The following F12 variants were observed in gnomAD, a reference collection of about 807,000 sequenced individuals.
The protein encoded by F12 is coagulation factor XII.
In F12, 70 loss-of-function variants were observed where a neutral mutation model predicts 74.8. The ratio of observed to expected loss-of-function variants is 0.94; its 90% confidence interval spans 0.77 to 1.14. F12 has a LOEUF of 1.14. Among genes scored for constraint, F12 ranks in the 50% most tolerant of loss-of-function variants. The probability of loss-of-function intolerance (pLI) is 0.00; values close to 1 mark genes in which losing one functional copy is unlikely to be tolerated. For synonymous variants in F12, 373 were observed against 356.4 expected (o/e 1.05, Z -0.52); for missense variants, 811 against 835.7 (o/e 0.97, Z 0.36).
At chr5:177,409,143 C>A in intron 1 of F12, 40 bp from the exon 2 acceptor site, 1 of 1,534,326 alleles carries the variant, frequency 6.5e-7, no homozygotes, top group South Asian at 1.2e-5. Flanking sequence ...GACTATAAGT[C>A]ATAGCCTGCC....
At chr5:177,405,610 G>C in intron 4 of F12, 125 bp downstream of exon 4, 3 of 1,223,568 alleles carry the variant, frequency 2.5e-6, no homozygotes, top group Non-Finnish European at 2.4e-6. Flanking sequence ...GACTTCCAAA[G>C]GGTATTGTGG....
At position 177,404,854 on chromosome 5, in the gene F12, A is replaced by G; in HGVS notation, c.590T>C (p.Leu197Pro). The change falls in exon 7 of 14, where the codon CTG becomes CCG. Residue 197 changes from leucine to proline, a missense_variant. Coordinates refer to ENST00000253496, the MANE Select transcript of F12 (RefSeq NM_000505.4). Reference sequence around the variant, plus strand: ...GGTGTAGCCCACCGGGCAGTGGCACAGGCGGTGGCCCTCCACCTCTAGGCA... The same window carrying G: ...GGTGTAGCCCACCGGGCAGTGGCACGGGCGGTGGCCCTCCACCTCTAGGCA... ...GRCLEVEGHR[L>P]CHCPVGYTGA... 6.2e-7 allele frequency: 1 copy of G among 1,610,054 alleles called. No individual in the cohort carries two copies.
chr5:177,403,960 C>A lies in F12; in HGVS notation c.1149G>T (p.Ala383=). The stretch of plus-strand genomic sequence containing the variant: ...AGTACAGCGCGGCGATGTAGGGGTG[C>A]GCCCCGCGTAGCGCCACCAGCCCGC... ...VVGGLVALRG[A]HPYIAALYWG... The change falls in exon 10 of 14, where the codon GCG becomes GCT. Residue 383 remains alanine (A), a synonymous_variant. Transcript: ENST00000253496. 6.2e-7 allele frequency: 1 copy of A among 1,601,656 alleles called. No homozygotes were observed.
intron 13 of F12, 40 bp from the exon 14 acceptor site, chr5:177,402,499 AT>A: frequency 4.4e-6 from 7 of 1,599,984 alleles, no homozygotes; most frequent in Non-Finnish European, 6.0e-6. Context: ...TGGACCTGAG[AT>A]TTGTGCCTGA....
Position 177,404,201 on chromosome 5 carries a change from G to C in F12, c.1013C>G (p.Pro338Arg). ...TTRTPPQSQT[P>R]GALPAKREQP... ...TCCCCCCCCCACTTCCTAACCTCCC[G>C]GGGTCTGGGACTGAGGCGGGGTCCG... The change falls in exon 9 of 14, where the codon CCG becomes CGG. Residue 338 changes from proline to arginine, a missense_variant. Physicochemically the swap from Pro to Arg is moderately radical, Grantham distance 103. Coordinates refer to ENST00000253496, the MANE Select transcript of F12 (RefSeq NM_000505.4). The C allele has an allele frequency of 1.2e-6, 2 of 1,603,490 alleles. No homozygotes were observed. Among genetic ancestry groups the C allele is most frequent in the Non-Finnish European group, 1.7e-6 (2 of 1,174,840 alleles).
intron 2 of F12, among the ~76,000 whole-genome samples, chr5:177,407,784 C>CA (rs112040010): frequency 0.37 from 50,409 of 137,680 alleles, 10,469 homozygotes; most frequent in Non-Finnish European, 0.49. Flanking sequence ...GACTCCATCT[C>CA]AAAAAAAAAA....
At chr5:177,408,913 G>T in intron 2 of F12, 133 bp downstream of exon 2, 1 of 866,408 alleles carries the variant, frequency 1.2e-6, no homozygotes, top group Non-Finnish European at 1.9e-6. Context: ...CACAGCTCAC[G>T]ATCACTCTAG....
intron 2 of F12, among the ~76,000 whole-genome samples, chr5:177,407,154 T>A (rs1763313144): frequency 6.6e-6 from 1 of 152,226 alleles, no homozygotes; most frequent in African/African-American, 2.4e-5. Context: ...AAAATGTCTT[T>A]AAACAGAATC....
In F12 at chr5:177,403,547, T is replaced by C. The variant is rs779520465; in HGVS notation, c.1321A>G (p.Thr441Ala). The change falls in exon 11 of 14, where the codon ACG becomes GCG. Residue 441 changes from threonine (T) to alanine (A), a missense_variant. Coordinates refer to ENST00000253496, the MANE Select transcript of F12 (RefSeq NM_000505.4). ...AAGCGGTAGGAGCGCACGGCCAACG[T>C]CTGGCACGGCTCACAGCTGTGGTTA... ...RRNHSCEPCQ[T>A]LAVRSYRLHE... is the part of the protein sequence containing the mutation. The C allele has an allele frequency of 6.3e-7, 1 of 1,599,912 alleles. No individual in the cohort carries two copies. Among genetic ancestry groups the C allele is most frequent in the East Asian group, 2.3e-5 (1 of 44,280 alleles).
At chr5:177,405,456 G>T (rs747955892) in intron 4 of F12, 23 bp from the exon 5 acceptor site, 1 of 1,602,618 alleles carries the variant, frequency 6.2e-7, no homozygotes, top group Admixed American at 1.7e-5. Context: ...CATGGTGGAA[G>T]GAAGAGCAGG....
At chr5:177,403,164 C>T in intron 12 of F12, 90 bp downstream of exon 12, 3 of 1,563,806 alleles carry the variant, frequency 1.9e-6, no homozygotes, top group Non-Finnish European at 2.6e-6. Flanking sequence ...TGTAGGCACC[C>T]GGAACGATAC....
At position 177,403,398 on chromosome 5, in the gene F12, C is replaced by T. The variant is rs752946774; in HGVS notation, c.1388-1G>A. ...GCATCCTCCTGAAGGCGCAACAGAG[C>T]TAACCCGGGCGGAGAGGAGCGTGAG... is the stretch of plus-strand genomic sequence containing the variant. On this transcript the variant is annotated splice_acceptor_variant, in intron 11 of 13. Transcript: ENST00000253496. LOFTEE classifies it high-confidence loss of function. 1 of 1,593,784 alleles carries T rather than the reference C, an allele frequency of 6.3e-7. No individual in the cohort carries two copies. Among genetic ancestry groups the T allele is most frequent in the East Asian group, 2.2e-5 (1 of 44,590 alleles).
At chr5:177,404,448 G>A (rs754274729) in intron 8 of F12, 35 bp from the exon 9 acceptor site, 7 of 1,602,502 alleles carry the variant, frequency 4.4e-6, no homozygotes, top group Admixed American at 3.4e-5. Context: ...TTAGAGCGCC[G>A]GGAGCCCGGA....
At chr5:177,404,786 T>C in intron 7 of F12, 24 bp downstream of exon 7, 1 of 1,591,240 alleles carries the variant, frequency 6.3e-7, no homozygotes, top group Non-Finnish European at 8.6e-7. Flanking sequence ...GCTGGCCTTC[T>C]GCTTGCCCCA....
At position 177,405,050 on chromosome 5, in the gene F12, T is replaced by C. The variant is rs938679345; in HGVS notation, c.529+4A>G. On this transcript the variant is annotated splice_donor_region_variant and intron_variant, in intron 6 of 13. Coordinates refer to ENST00000253496, the MANE Select transcript of F12 (RefSeq NM_000505.4). The stretch of plus-strand genomic sequence containing the variant: ...CCCTGGCCCGTTCCCAACCATCTGC[T>C]CACCCTGGCTGGCCAGCCGCTGGCA... 5.0e-6 allele frequency: 8 copies of C among 1,611,746 alleles called. No homozygotes were observed. The highest frequency in any genetic ancestry group is 6.8e-6 in the Non-Finnish European group (8 of 1,179,886).
rs1197761099 is a variant in F12 at position 177,409,096 on chromosome 5, G to A, written c.65C>T (p.Pro22Leu). Residue 22 changes from proline to leucine, a missense_variant, in exon 2 of 14, where the codon CCT becomes CTT. Physicochemically the swap from Pro to Leu is moderately conservative, Grantham distance 98 (BLOSUM62 -3). Transcript: ENST00000253496. ...VSLESTLSIP[P>L]WEAPKEHKYK... ...CTTATGCTCCTTGGGGGCTTCCCAA[G>A]GTGGAATCTACAAGGGAGAGAAGAA... The A allele has an allele frequency of 6.4e-7, 1 of 1,551,576 alleles. No homozygotes were observed. The highest frequency in any genetic ancestry group is 1.4e-5 in the African/African-American group (1 of 73,052).
In F12 at chr5:177,404,055, T is replaced by C; in HGVS notation, c.1054A>G (p.Thr352Ala). Reference protein sequence around the residue: ...PAKREQPPSLTRNGPLSCGQR... With the variant: ...PAKREQPPSLARNGPLSCGQR... ...CCGCAGCTCAGTGGGCCGTTCCTGG[T>C]CAGGGAAGGCGGCTGCTCCCGCTTC... Residue 352 changes from threonine to alanine, a missense_variant, in exon 10 of 14, where the codon ACC (threonine) becomes GCC (alanine). By Grantham distance (58) the Thr-to-Ala change is moderately conservative. Coordinates refer to ENST00000253496, the MANE Select transcript of F12 (RefSeq NM_000505.4). 6.2e-7 allele frequency: 1 copy of C among 1,602,726 alleles called. No homozygotes were observed. Among genetic ancestry groups the C allele is most frequent in the Non-Finnish European group, 8.5e-7 (1 of 1,179,572 alleles).
rs1323224629 is a variant in F12, at chr5:177,405,751, C to A, written c.270G>T (p.Glu90Asp). Residue 90 changes from glutamate to aspartate, a missense_variant, in exon 4 of 14, where the codon GAG (glutamate) becomes GAT (aspartate). Glu to Asp is a conservative substitution (Grantham distance 45). Coordinates refer to ENST00000253496, the MANE Select transcript of F12 (RefSeq NM_000505.4). The part of the protein sequence containing the change: ...DQDQRWGYCL[E>D]PKKVKDHCSK... ...GTGTAGCACCTTTCACTTTCTTGGG[C>A]TCCAAACAGTATCCCCATCGCTGGT... 20 of 1,614,190 alleles carry A rather than the reference C, an allele frequency of 1.2e-5. No homozygotes were observed. The highest frequency in any genetic ancestry group is 2.2e-5 in the East Asian group (1 of 44,882).
Position 177,409,557 on chromosome 5 carries a change from C to A in F12, c.-30G>T, listed in dbSNP as rs760317214. 6.2e-7 allele frequency: 1 copy of A among 1,611,184 alleles called. No individual in the cohort carries two copies. Among genetic ancestry groups the A allele is most frequent in the Non-Finnish European group, 8.5e-7 (1 of 1,177,588 alleles). On this transcript the variant is annotated 5_prime_UTR_variant, in exon 1 of 14. Coordinates refer to ENST00000253496, the MANE Select transcript of F12 (RefSeq NM_000505.4). ...TCCGTCCGTTGGTCCAGCTGCCTAT[C>A]CAGGAGTCCAGATCAATAGGACTGG...
Sources: gnomAD v4.1 joint callset for allele counts (sites outside exome capture counted in the v4.1 genomes callset) on GRCh38, gnomAD v4.1.1 for gene constraint, MANE v1.5 for transcripts, NCBI Gene and HGNC (gene_info 2026-07-23, HGNC 2026-07-21) for gene names.